CNTNAP2: variants seen among roughly 807,000 people sequenced by gnomAD.
CNTNAP2 encodes contactin associated protein 2.
In CNTNAP2, 98 loss-of-function variants were observed where a neutral mutation model predicts 155.2. The observed-to-expected ratio is 0.63, with a 90% confidence interval of 0.54 to 0.75. The LOEUF (loss-of-function observed/expected upper bound fraction) is 0.75, where lower values mean the gene tolerates loss of function less well. Ranked by LOEUF, CNTNAP2 falls within the 30% of genes least tolerant of loss-of-function variation. CNTNAP2 has a pLI of 0.00. For synonymous variants in CNTNAP2, 651 were observed against 631.2 expected (o/e 1.03, Z -0.47); for missense variants, 1,727 against 1,688.1 (o/e 1.02, Z -0.40).
At chr7:146,582,827 C>G (rs372802164) in intron 1 of CNTNAP2, among the ~76,000 whole-genome samples, 11 of 151,042 alleles carry the variant, frequency 7.3e-5, no homozygotes, top group African/African-American at 2.7e-4. Context: ...TTCATTATCA[C>G]TTTTCTAAAT....
chr7:146,639,606 T>C (rs1283246091), intron 1 of CNTNAP2, among the ~76,000 whole-genome samples: 1 of 152,224 alleles, frequency 6.6e-6, no homozygotes, highest in Non-Finnish European at 1.5e-5. Flanking sequence ...AACAGGAGCC[T>C]TGTGATCTCA....
intron 13 of CNTNAP2, among the ~76,000 whole-genome samples, chr7:147,656,510 A>C (rs2116947215): frequency 6.6e-6 from 1 of 152,316 alleles, no homozygotes; most frequent in Admixed American, 6.5e-5. Flanking sequence ...TCAAGGAATA[A>C]GAAGGCCTGA....
At chr7:146,833,202 G>T (rs1803548957) in intron 2 of CNTNAP2, among the ~76,000 whole-genome samples, 1 of 152,090 alleles carries the variant, frequency 6.6e-6, no homozygotes, top group African/African-American at 2.4e-5. Flanking sequence ...ATTTTTGAGA[G>T]GATAAAGCCT....
At chr7:147,375,474 G>T (rs374206414) in intron 9 of CNTNAP2, among the ~76,000 whole-genome samples, 129 of 152,128 alleles carry the variant, frequency 8.5e-4, no homozygotes, top group African/African-American at 3.1e-3. Flanking sequence ...ATTCCCAGTT[G>T]CAGATTCTCT....
At chr7:146,452,440 A>G (rs1796497848) in intron 1 of CNTNAP2, among the ~76,000 whole-genome samples, 1 of 152,190 alleles carries the variant, frequency 6.6e-6, no homozygotes, top group South Asian at 2.1e-4. Flanking sequence ...CAATGTAGTT[A>G]TGTATCCTTC....
chr7:147,957,603 T>C (rs1170633628), intron 14 of CNTNAP2, among the ~76,000 whole-genome samples: 2 of 152,114 alleles, frequency 1.3e-5, no homozygotes, highest in Non-Finnish European at 2.9e-5. Context: ...TAGGTCACTG[T>C]GGTCCAGAAT....
At chr7:148,101,391 G>A (rs1804097204) in intron 15 of CNTNAP2, among the ~76,000 whole-genome samples, 1 of 141,612 alleles carries the variant, frequency 7.1e-6, no homozygotes, top group Non-Finnish European at 1.6e-5. Flanking sequence ...GTGTGTGTGT[G>A]TGGTGTTCTA....
chr7:146,283,845 G>A lies in CNTNAP2; in HGVS notation c.97+166872G>A, dbSNP rs568163946. Among the ~76,000 whole-genome samples the A allele has an allele frequency of 1.3e-3, 196 of 152,084 alleles. 1 individual carries two copies. The highest frequency in any genetic ancestry group is 4.5e-3 in the African/African-American group (186 of 41,488). ...AAGATGGGTTGACTACACACCTATT[G>A]TATTTGTCTTCTACGTCTTCTAAAA... On this transcript the variant is annotated intron_variant, in intron 1 of 23. Coordinates refer to ENST00000361727, the MANE Select transcript of CNTNAP2 (RefSeq NM_014141.6).
intron 15 of CNTNAP2, among the ~76,000 whole-genome samples, chr7:148,000,906 G>A (rs143152942): frequency 1.2e-4 from 18 of 152,196 alleles, no homozygotes; most frequent in African/African-American, 4.3e-4. Context: ...AGGATCTGGG[G>A]GAGGATCCCC....
intron 15 of CNTNAP2, among the ~76,000 whole-genome samples, chr7:147,980,866 G>A (rs1054724409): frequency 6.8e-6 from 1 of 147,602 alleles, no homozygotes; most frequent in East Asian, 2.0e-4. Flanking sequence ...GGGAGGCGGA[G>A]CTTGCAGTGA....
intron 1 of CNTNAP2, among the ~76,000 whole-genome samples, chr7:146,737,160 T>C (rs1190034562): frequency 3.3e-5 from 5 of 152,182 alleles, no homozygotes. Context: ...TTTTTATTTA[T>C]AGTAACAGGC....
chr7:146,212,772 G>A (rs1799056333), intron 1 of CNTNAP2, among the ~76,000 whole-genome samples: 1 of 152,126 alleles, frequency 6.6e-6, no homozygotes, highest in Non-Finnish European at 1.5e-5. Context: ...GCATGTCTAG[G>A]GCATGGGGCC....
At chr7:146,983,073 C>G (rs1351504989) in intron 3 of CNTNAP2, among the ~76,000 whole-genome samples, 1 of 152,098 alleles carries the variant, frequency 6.6e-6, no homozygotes, top group African/African-American at 2.4e-5. Flanking sequence ...TGATAATTAC[C>G]TACTTGAAAT....
intron 1 of CNTNAP2, among the ~76,000 whole-genome samples, chr7:146,383,076 T>C (rs559928765): frequency 2.6e-5 from 4 of 152,302 alleles, no homozygotes; most frequent in South Asian, 2.1e-4. Context: ...ATTGAACTCA[T>C]TGATTAATTT....
intron 21 of CNTNAP2, among the ~76,000 whole-genome samples, chr7:148,383,034 A>G (rs1444329883): frequency 6.6e-6 from 1 of 152,188 alleles, no homozygotes; most frequent in African/African-American, 2.4e-5. Context: ...TCACCAAGGC[A>G]TGTGTTGTTT....
intron 1 of CNTNAP2, among the ~76,000 whole-genome samples, chr7:146,273,305 A>T (rs985309391): frequency 6.6e-6 from 1 of 152,148 alleles, no homozygotes; most frequent in African/African-American, 2.4e-5. Flanking sequence ...AATAAAAAAG[A>T]TTATTCACAA....
At chr7:148,374,121 A>G (rs1245111695) in intron 21 of CNTNAP2, among the ~76,000 whole-genome samples, 1 of 152,164 alleles carries the variant, frequency 6.6e-6, no homozygotes, top group Non-Finnish European at 1.5e-5. Context: ...GCCCTGGGGA[A>G]ACCATCGCTT....
At chr7:147,691,463 G>A (rs1229951000) in intron 13 of CNTNAP2, among the ~76,000 whole-genome samples, 2 of 151,998 alleles carry the variant, frequency 1.3e-5, no homozygotes, top group African/African-American at 4.8e-5. Flanking sequence ...TTATTTGAAA[G>A]ACTCAATATT....
intron 1 of CNTNAP2, among the ~76,000 whole-genome samples, chr7:146,539,537 G>GAA (rs5888211): frequency 6.7e-6 from 1 of 148,840 alleles, no homozygotes. Context: ...GTAGAAACAT[G>GAA]AAAAAAAAAA....
Sources: gnomAD v4.1 joint callset for allele counts (sites outside exome capture counted in the v4.1 genomes callset) on GRCh38, gnomAD v4.1.1 for gene constraint, MANE v1.5 for transcripts, NCBI Gene and HGNC (gene_info 2026-07-23, HGNC 2026-07-21) for gene names.